Variants in JPH1 observed in about 807,000 individuals in gnomAD.
JPH1 encodes junctophilin-1.
JPH1 carries 12 observed loss-of-function variants against 53.6 expected under a neutral mutation model. That is an observed-to-expected ratio of 0.22 (90% confidence interval 0.14 to 0.36). The LOEUF (loss-of-function observed/expected upper bound fraction) is 0.36. Ranked by LOEUF, JPH1 falls within the 10% of genes least tolerant of loss-of-function variation. The pLI is 1.00. For synonymous variants in JPH1, 375 were observed against 363.8 expected, an observed-to-expected ratio of 1.03 and a Z score of -0.35; for missense variants, 808 against 905.5, an observed-to-expected ratio of 0.89 and a Z score of 1.38.
At position 74,314,905 on chromosome 8, in the gene JPH1, C is replaced by A. The variant is rs754248893; in HGVS notation, c.1095G>T (p.Arg365Ser). 1.2e-6 allele frequency: 2 copies of A among 1,614,132 alleles called. No homozygotes were observed. Among genetic ancestry groups the A allele is most frequent in the Non-Finnish European group, 1.7e-6 (2 of 1,180,030 alleles). Reference sequence around the variant, plus strand: ...CTTTGGTTCTGGCCATGGCAGCTGCCCTTTGGGCGCCTTCAATTGCTCTGT... The same window carrying A: ...CTTTGGTTCTGGCCATGGCAGCTGCACTTTGGGCGCCTTCAATTGCTCTGT... ...KVDRAIEGAQRAAAMARTKVE... is the reference protein window; with the variant it reads ...KVDRAIEGAQSAAAMARTKVE... Residue 365 changes from arginine (R) to serine (S), a missense_variant, in exon 2 of 6, where the codon AGG becomes AGT. By Grantham distance (110) the Arg-to-Ser change is moderately radical (BLOSUM62 -1). Coordinates refer to ENST00000342232, the MANE Select transcript of JPH1 (RefSeq NM_020647.4).
chr8:74,313,833 A>T (rs1230246341), intron 2 of JPH1, among the ~76,000 whole-genome samples: 1 of 152,264 alleles, frequency 6.6e-6, no homozygotes, highest in Admixed American at 6.5e-5. Flanking sequence ...AGCTGTGGCT[A>T]GTCAGTACTC....
intron 2 of JPH1, among the ~76,000 whole-genome samples, chr8:74,296,909 G>A (rs1168478904): frequency 6.6e-6 from 1 of 152,016 alleles, no homozygotes; most frequent in Non-Finnish European, 1.5e-5. Flanking sequence ...TGGCTAACTC[G>A]AAGTCCACGT....
intron 2 of JPH1, among the ~76,000 whole-genome samples, chr8:74,264,961 C>G (rs952495693): frequency 3.3e-5 from 5 of 152,144 alleles, no homozygotes. Context: ...GATTGTTTCT[C>G]TTTTTGTTAA....
chr8:74,289,291 C>A (rs916294161), intron 2 of JPH1, among the ~76,000 whole-genome samples: 6 of 152,178 alleles, frequency 3.9e-5, no homozygotes, highest in African/African-American at 1.4e-4. Flanking sequence ...GCAATGCCTG[C>A]GTCCAACCCA....
chr8:74,249,593 C>T (rs2131381928), intron 3 of JPH1, among the ~76,000 whole-genome samples: 1 of 152,314 alleles, frequency 6.6e-6, no homozygotes, highest in Middle Eastern at 3.4e-3. Flanking sequence ...TATGAGTAAC[C>T]AGCAAACTCA....
Position 74,315,551 on chromosome 8 carries a change from C to A in JPH1, c.449G>T (p.Gly150Val). The change falls in exon 2 of 6, where the codon GGC becomes GTC. Residue 150 changes from glycine (G) to valine (V), a missense_variant. Physicochemically the swap from Gly to Val is moderately radical, Grantham distance 109. Around this residue, in one of 2 missense-constraint regions of JPH1, gnomAD observed 756 missense variants for 811.9 expected, o/e 0.93. Coordinates refer to ENST00000342232, the MANE Select transcript of JPH1 (RefSeq NM_020647.4). The surrounding 1 kb of genome is among the most constrained non-coding windows in gnomAD (Gnocchi z 6.3). ...CGGTGAGCGGATCACCGTGGCCATG[C>A]CGTAGGGCACGCTCTGGCGCACGCC... is the stretch of plus-strand genomic sequence containing the variant. ...GYGVRQSVPY[G>V]MATVIRSPLR... 1 of 1,605,832 alleles carries A rather than the reference C, an allele frequency of 6.2e-7. No homozygotes were observed. Among genetic ancestry groups the A allele is most frequent in the East Asian group, 2.2e-5 (1 of 44,746 alleles).
At chr8:74,244,398 G>A (rs1053487338) in intron 4 of JPH1, 131 bp downstream of exon 4, 3 of 955,846 alleles carry the variant, frequency 3.1e-6, no homozygotes, top group South Asian at 3.3e-5. Context: ...GTTATGTGCT[G>A]CTCTAAACAA....
intron 3 of JPH1, among the ~76,000 whole-genome samples, chr8:74,249,580 T>A (rs1011540836): frequency 2.6e-5 from 4 of 152,168 alleles, no homozygotes; most frequent in African/African-American, 9.7e-5. Flanking sequence ...AATGAATACG[T>A]GGTATGAGTA....
At chr8:74,237,443 G>C in intron 4 of JPH1, 140 bp from the exon 5 acceptor site, 1 of 653,146 alleles carries the variant, frequency 1.5e-6, no homozygotes, top group South Asian at 2.1e-5. Context: ...GTTCGGAAAG[G>C]TGTAGACTAA....
chr8:74,314,783 G>T, intron 2 of JPH1, 78 bp downstream of exon 2: 2 of 1,486,398 alleles, frequency 1.3e-6, no homozygotes, highest in Non-Finnish European at 1.8e-6. Context: ...GATGTCACTG[G>T]CAGATAGACA....
chr8:74,250,878 A>G (rs1228019461), intron 3 of JPH1, among the ~76,000 whole-genome samples: 2 of 152,212 alleles, frequency 1.3e-5, no homozygotes, highest in African/African-American at 2.4e-5. Context: ...CTAGTTTACA[A>G]TGAGCAATGT....
At chr8:74,258,109 G>A (rs972971596) in intron 3 of JPH1, among the ~76,000 whole-genome samples, 10 of 152,106 alleles carry the variant, frequency 6.6e-5, no homozygotes, top group East Asian at 1.9e-4. Flanking sequence ...TGTGGGTTCC[G>A]ACAGCGTATA....
At chr8:74,251,066 A>T (rs1182273536) in intron 3 of JPH1, among the ~76,000 whole-genome samples, 1 of 152,208 alleles carries the variant, frequency 6.6e-6, no homozygotes, top group Non-Finnish European at 1.5e-5. Flanking sequence ...AGCCTGATAC[A>T]TCCATTTCCT....
At chr8:74,243,018 A>G (rs1190680535) in intron 4 of JPH1, among the ~76,000 whole-genome samples, 1 of 152,174 alleles carries the variant, frequency 6.6e-6, no homozygotes, top group Non-Finnish European at 1.5e-5. Flanking sequence ...TGGGGCATAC[A>G]CTTCCCCTTG....
intron 4 of JPH1, among the ~76,000 whole-genome samples, chr8:74,241,946 T>TA (rs1805708601): frequency 6.6e-6 from 1 of 152,208 alleles, no homozygotes; most frequent in South Asian, 2.1e-4. Context: ...CTTCTGACCC[T>TA]ACCAGAGTTG....
At chr8:74,256,564 C>G (rs1365936085) in intron 3 of JPH1, among the ~76,000 whole-genome samples, 1 of 148,490 alleles carries the variant, frequency 6.7e-6, no homozygotes, top group Non-Finnish European at 1.5e-5. Flanking sequence ...AACAAATTTA[C>G]AAGAAAAAAA....
chr8:74,260,631 T>G (rs1044708959), intron 2 of JPH1, among the ~76,000 whole-genome samples: 2 of 152,102 alleles, frequency 1.3e-5, no homozygotes, highest in African/African-American at 4.8e-5. Flanking sequence ...GGAAAAGGCA[T>G]GGGCTTTGGA....
chr8:74,279,108 T>C (rs1178956885), intron 2 of JPH1, among the ~76,000 whole-genome samples: 1 of 152,202 alleles, frequency 6.6e-6, no homozygotes, highest in Non-Finnish European at 1.5e-5. Flanking sequence ...GGAAACACCA[T>C]GTCCCTATTT....
intron 4 of JPH1, among the ~76,000 whole-genome samples, chr8:74,239,515 A>G (rs1359286018): frequency 1.3e-5 from 2 of 152,220 alleles, no homozygotes; most frequent in East Asian, 3.8e-4. Flanking sequence ...TTGATAGGAG[A>G]GTCCTAACCT....
Sources: gnomAD v4.1 joint callset for allele counts (sites outside exome capture counted in the v4.1 genomes callset) on GRCh38, gnomAD v4.1.1 for gene constraint, gnomAD v4.1.1 regional missense constraint, Gnocchi (gnomAD v3.1) non-coding constraint, MANE v1.5 for transcripts, NCBI Gene and HGNC (gene_info 2026-07-23, HGNC 2026-07-21) for gene names.